Variants in RIBC1 observed in about 807,000 individuals in gnomAD.
RIBC1 encodes the protein RIB43A domain with coiled-coils 1.
In RIBC1, 12 loss-of-function variants were observed where a neutral mutation model predicts 33.7. The observed-to-expected ratio is 0.36, with a 90% CI of 0.23 to 0.58. The LOEUF (loss-of-function observed/expected upper bound fraction) is 0.58, where lower values mean the gene tolerates loss of function less well. RIBC1 is among the 20% of genes least tolerant of loss of function. The pLI is 0.81. For synonymous variants in RIBC1, 89 were observed against 109.0 expected, an observed-to-expected ratio of 0.82 and a Z score of 1.14; for missense variants, 242 against 311.6, an observed-to-expected ratio of 0.78 and a Z score of 1.68.
intron 5 of RIBC1, 121 bp from the exon 6 acceptor site, chrX:53,429,733 C>G: frequency 9.2e-7 from 1 of 1,092,151 alleles, no homozygotes; most frequent in East Asian, 3.1e-5. Flanking sequence ...AACTCGGACA[C>G]TAACCCCCTC....
intron 3 of RIBC1, 44 bp downstream of exon 3, chrX:53,426,437 C>G: frequency 1.2e-6 from 1 of 836,207 alleles, no homozygotes; most frequent in Non-Finnish European, 1.8e-6. Context: ...AGGGCCACCT[C>G]ACTCTTACAC....
intron 3 of RIBC1, among the ~76,000 whole-genome samples, chrX:53,427,296 C>T (rs1206574100): frequency 8.9e-6 from 1 of 111,896 alleles, no homozygotes; most frequent in African/African-American, 3.3e-5. Flanking sequence ...TCTCTGAGCC[C>T]CAGGCTCCTC....
chrX:53,430,268 A>T, intron 6 of RIBC1, 128 bp from the exon 7 acceptor site: 1 of 558,857 alleles, frequency 1.8e-6, no homozygotes, highest in Non-Finnish European at 2.8e-6. Context: ...TATTAGGGGC[A>T]TTGAAAGGCC....
At chrX:53,425,023 C>G (rs1428039675) in intron 2 of RIBC1, among the ~76,000 whole-genome samples, 1 of 111,616 alleles carries the variant, frequency 9.0e-6, no homozygotes, top group Admixed American at 9.6e-5. Context: ...GAAACCCCAT[C>G]TCTACTAAAA....
At chrX:53,426,965 AAC>A (rs1339887022) in intron 3 of RIBC1, among the ~76,000 whole-genome samples, 1 of 112,032 alleles carries the variant, frequency 8.9e-6, no homozygotes, top group Non-Finnish European at 1.9e-5. Context: ...CAGCCTGAGC[AAC>A]AGTGAGACCC....
Position 53,428,478 on chromosome X carries a change from C to G in RIBC1, c.395C>G (p.Thr132Ser). 1 of 1,209,232 alleles carries G rather than the reference C, an allele frequency of 8.3e-7. No individual in the cohort carries two copies. Among genetic ancestry groups the G allele is most frequent in the Non-Finnish European group, 1.1e-6 (1 of 893,982 alleles). ...CCAACCTATCTTAGTTACAGTAATA[C>G]CTATCCTGGTCCAGCCAGCCTGCAG... is the stretch of plus-strand genomic sequence containing the variant. Reference protein sequence around the residue: ...GLPTYLSYSNTYPGPASLQYF... With the variant: ...GLPTYLSYSNSYPGPASLQYF... The change falls in exon 5 of 8, where the codon ACC becomes AGC. Residue 132 changes from threonine (T) to serine (S), a missense_variant. Thr to Ser is a moderately conservative substitution (Grantham distance 58, BLOSUM62 1). Transcript: ENST00000375327.
rs782583523 is a variant in RIBC1 at position 53,426,377 on chromosome X, G to A, written c.101G>A (p.Arg34Gln). Reference protein sequence around the residue: ...KERQNRFFNVRNRVMGVDVQA... With the variant: ...KERQNRFFNVQNRVMGVDVQA... The stretch of plus-strand genomic sequence containing the variant: ...CGACAAAACCGATTCTTCAATGTGC[G>A]GAACCGAGTCATGGGGGTGAGTGGG... The change falls in exon 3 of 8, where the codon CGG becomes CAG. Residue 34 changes from arginine (R) to glutamine (Q), a missense_variant. By Grantham distance (43) the Arg-to-Gln change is conservative. Coordinates refer to ENST00000375327, the MANE Select transcript of RIBC1 (RefSeq NM_001031745.5). 11 of 1,191,667 alleles carry A rather than the reference G, an allele frequency of 9.2e-6. No individual in the cohort carries two copies. The highest frequency in any genetic ancestry group is 5.4e-5 in the South Asian group (3 of 55,129).
Position 53,430,938 on chromosome X carries a change from A to T in RIBC1, c.1090A>T (p.Asn364Tyr), listed in dbSNP as rs1556894357. 1 of 1,211,594 alleles carries T rather than the reference A, an allele frequency of 8.3e-7. No individual in the cohort carries two copies. Among genetic ancestry groups the T allele is most frequent in the Admixed American group, 2.2e-5 (1 of 46,018 alleles). The change falls in exon 8 of 8, where the codon AAT becomes TAT. Residue 364 changes from asparagine to tyrosine, a missense_variant. Physicochemically the swap from Asn to Tyr is moderately radical, Grantham distance 143. Transcript: ENST00000375327. ...QDYLNSVIYT[N>Y]QPTAQYHQQF... ...TTACCTGAATTCAGTAATCTACACC[A>T]ATCAACCTACAGCCCAGTATCACCA...
chrX:53,429,179 T>C (rs1556893725), intron 5 of RIBC1: 1 of 117,465 alleles, frequency 8.5e-6, no homozygotes, highest in Non-Finnish European at 1.8e-5. Context: ...CTCCCTAAAA[T>C]GTCAGCCTAC....
Position 53,429,913 on chromosome X carries a change from C to A in RIBC1, c.604C>A (p.Leu202Met). ...MDAQATHLAR[L>M]EESCRAAMMC... ...TGCACAGGCCACCCATCTGGCCAGG[C>A]TGGAGGAGTCCTGTCGTGCGGCCAT... is the stretch of plus-strand genomic sequence containing the variant. The change falls in exon 6 of 8, where the codon CTG (leucine) becomes ATG (methionine). Residue 202 changes from leucine to methionine, a missense_variant. By Grantham distance (15) the Leu-to-Met change is conservative (BLOSUM62 2). Coordinates refer to ENST00000375327, the MANE Select transcript of RIBC1 (RefSeq NM_001031745.5). 8.3e-7 allele frequency: 1 copy of A among 1,211,621 alleles called. No homozygotes were observed. The highest frequency in any genetic ancestry group is 1.1e-6 in the Non-Finnish European group (1 of 894,946).
rs369891905 is a variant in RIBC1 at position 53,429,731 on chromosome X, C to T, written c.545-123C>T. ...TCCTTCCACATCCCTACAACTCGGA[C>T]ACTAACCCCCTCCTAAACATTCGTA... On this transcript the variant is annotated intron_variant, in intron 5 of 7. Coordinates refer to ENST00000375327, the MANE Select transcript of RIBC1 (RefSeq NM_001031745.5). 6.8e-4 allele frequency: 739 copies of T among 1,086,242 alleles called. 6 individuals are homozygous for T. The South Asian group carries it at 0.018, about 26-fold the overall frequency. The allele number at this position is 1,086,242 out of a possible 1,213,427, so 89.5% of individuals were successfully genotyped here.
intron 5 of RIBC1, chrX:53,428,864 A>G: frequency 9.9e-7 from 1 of 1,012,798 alleles, no homozygotes; most frequent in Non-Finnish European, 1.3e-6. Flanking sequence ...CACAGTGCAG[A>G]CAGACCTAAT....
intron 2 of RIBC1, 41 bp from the exon 3 acceptor site, chrX:53,426,236 G>T (rs1409447886): frequency 2.2e-6 from 2 of 891,622 alleles, no homozygotes; most frequent in East Asian, 3.1e-5. Flanking sequence ...CAAAGACGGT[G>T]GTCGGCACTG....
At chrX:53,428,748 T>A in intron 5 of RIBC1, 121 bp downstream of exon 5, 1 of 1,127,577 alleles carries the variant, frequency 8.9e-7, no homozygotes. Context: ...ATAGGGTTGG[T>A]GCTGAAATGT....
chrX:53,429,834 G>A lies in RIBC1; in HGVS notation c.545-20G>A, dbSNP rs368573728. ...ATGGAGCAAGCCAGTACAGTACCCC[G>A]GCCATATTTCTCTGTGTAGATGCGC... is the stretch of plus-strand genomic sequence containing the variant. On this transcript the variant is annotated intron_variant, in intron 5 of 7. Coordinates refer to ENST00000375327, the MANE Select transcript of RIBC1 (RefSeq NM_001031745.5). 61 of 1,200,722 alleles carry A rather than the reference G, an allele frequency of 5.1e-5. No homozygotes were observed. The highest frequency in any genetic ancestry group is 1.4e-4 in the African/African-American group (8 of 57,151).
chrX:53,429,822 G>A (rs2075812963), intron 5 of RIBC1, 32 bp from the exon 6 acceptor site: 2 of 1,197,219 alleles, frequency 1.7e-6, no homozygotes, highest in Non-Finnish European at 2.3e-6. Context: ...GAGCAAGCCA[G>A]TACAGTACCC....
chrX:53,427,978 A>C, intron 3 of RIBC1, 25 bp from the exon 4 acceptor site: 1 of 1,190,786 alleles, frequency 8.4e-7, no homozygotes, highest in Non-Finnish European at 1.1e-6. Flanking sequence ...CCCTACTCTG[A>C]TTGTGCTCCT....
chrX:53,429,858 G>A lies in RIBC1; in HGVS notation c.549G>A (p.Ala183=), dbSNP rs139246822. ...QAKVDENYTD[A]LSNQLRLAMD... is the part of the protein sequence containing the mutation. ...CGGCCATATTTCTCTGTGTAGATGCGCTCAGTAACCAGCTGCGCCTCGCCA... is the reference window on the plus strand; with the variant it reads ...CGGCCATATTTCTCTGTGTAGATGCACTCAGTAACCAGCTGCGCCTCGCCA... The change falls in exon 6 of 8, where the codon GCG becomes GCA. Residue 183 remains alanine (A), a synonymous_variant. Transcript: ENST00000375327. 17 of 1,191,003 alleles carry A rather than the reference G, an allele frequency of 1.4e-5. No homozygotes were observed. The African/African-American group carries it at 2.0e-4, about 14-fold the overall frequency.
intron 5 of RIBC1, 21 bp from the exon 6 acceptor site, chrX:53,429,833 C>T (rs1556893856): frequency 1.2e-5 from 15 of 1,200,344 alleles, no homozygotes; most frequent in Admixed American, 8.8e-5. Flanking sequence ...TACAGTACCC[C>T]GGCCATATTT....
Sources: gnomAD v4.1 joint callset for allele counts (sites outside exome capture counted in the v4.1 genomes callset) on GRCh38, gnomAD v4.1.1 for gene constraint, MANE v1.5 for transcripts, NCBI Gene and HGNC (gene_info 2026-07-23, HGNC 2026-07-21) for gene names.